Variants in AOX1 observed in about 807,000 individuals in gnomAD.
AOX1 encodes the protein aldehyde oxidase 1, also known as aldehyde oxidase.
In AOX1, 153 loss-of-function variants were observed where a neutral mutation model predicts 169.5. That is an observed-to-expected ratio of 0.90 (90% CI 0.79 to 1.03). The LOEUF is 1.03. Among genes scored for constraint, AOX1 ranks in the 50% least tolerant of loss-of-function variants. AOX1 has a pLI of 0.00. For missense variants in AOX1, 1,656 were observed against 1,663.9 expected, an observed-to-expected ratio of 1.00 and a Z score of 0.08; for synonymous variants, 562 against 581.9, an observed-to-expected ratio of 0.97 and a Z score of 0.49.
chr2:200,621,240 A>C lies in AOX1; in HGVS notation c.1995A>C (p.Thr665=). 6.2e-7 allele frequency: 1 copy of C among 1,613,814 alleles called. No homozygotes were observed. Among genetic ancestry groups the C allele is most frequent in the Middle Eastern group, 1.7e-4 (1 of 6,032 alleles). ...FFTEAEKFLA[T]DKVFCVGQLV... ...CTGAAGCTGAGAAATTTCTGGCGAC[A>C]GATAAGGTACTGCATTTTTGCTTTC... Residue 665 remains threonine, a synonymous_variant, in exon 18 of 35, where the codon ACA becomes ACC. Transcript: ENST00000374700.
intron 25 of AOX1, among the ~76,000 whole-genome samples, chr2:200,647,169 T>C (rs896276027): frequency 2.6e-5 from 4 of 152,234 alleles, no homozygotes; most frequent in Admixed American, 6.5e-5. Flanking sequence ...CATGTATTTA[T>C]GTTTTATAGG....
At chr2:200,631,862 T>C (rs2035132687) in intron 20 of AOX1, among the ~76,000 whole-genome samples, 2 of 152,128 alleles carry the variant, frequency 1.3e-5, no homozygotes, top group Admixed American at 1.3e-4. Flanking sequence ...ATGACATGGG[T>C]CTTTAGACTA....
intron 2 of AOX1, among the ~76,000 whole-genome samples, chr2:200,594,379 G>C (rs2034235912): frequency 6.6e-6 from 1 of 152,168 alleles, no homozygotes; most frequent in South Asian, 2.1e-4. Context: ...CCTCTGTGTT[G>C]AAGGGAGGTC....
chr2:200,615,642 ATCTT>A (rs2034739924), intron 15 of AOX1, among the ~76,000 whole-genome samples: 3 of 152,264 alleles, frequency 2.0e-5, no homozygotes, highest in Admixed American at 6.5e-5. Flanking sequence ...CTTAGCTTCT[ATCTT>A]CTTGTTGGAT....
chr2:200,597,554 A>C (rs369214731), intron 4 of AOX1, 49 bp downstream of exon 4: 1 of 1,403,696 alleles, frequency 7.1e-7, no homozygotes. Flanking sequence ...TAGAAACCTC[A>C]TGACATTGAG....
intron 18 of AOX1, among the ~76,000 whole-genome samples, chr2:200,621,994 T>C (rs1182835513): frequency 6.6e-6 from 1 of 152,184 alleles, no homozygotes; most frequent in Admixed American, 6.5e-5. Context: ...TCAGGTGATC[T>C]GCCCGCCTGG....
intron 8 of AOX1, 121 bp from the exon 9 acceptor site, chr2:200,604,575 G>A: frequency 9.2e-7 from 1 of 1,091,286 alleles, no homozygotes; most frequent in Non-Finnish European, 1.3e-6. Flanking sequence ...AGGTCACTTT[G>A]TACTTTATTT....
At chr2:200,612,852 G>C in intron 14 of AOX1, 59 bp downstream of exon 14, 4 of 1,417,278 alleles carry the variant, frequency 2.8e-6, no homozygotes, top group Non-Finnish European at 3.8e-6. Context: ...AAGTATTAGA[G>C]GAGCCCTTTT....
chr2:200,657,209 T>G (rs2035714781), intron 27 of AOX1, among the ~76,000 whole-genome samples: 1 of 132,770 alleles, frequency 7.5e-6, no homozygotes, highest in Non-Finnish European at 1.6e-5. Context: ...TTTTTTTAAT[T>G]AGCAGGGCAT....
rs528302569 is a variant in AOX1, at chr2:200,630,035, G to A, written c.2221+2586G>A. Among the ~76,000 whole-genome samples, 5 of 152,032 alleles carry A rather than the reference G, an allele frequency of 3.3e-5. No homozygotes were observed. The East Asian group carries it at 5.8e-4, about 18-fold the overall frequency. On this transcript the variant is annotated intron_variant, in intron 20 of 34. Coordinates refer to ENST00000374700, the MANE Select transcript of AOX1 (RefSeq NM_001159.4). ...CAAGGCAGGACATTTGAGGCCAGGA[G>A]TTTGACACCAACCTGGTCAACGTAG...
chr2:200,592,092 A>G (rs578152968), intron 1 of AOX1, among the ~76,000 whole-genome samples: 1 of 152,348 alleles, frequency 6.6e-6, no homozygotes, highest in African/African-American at 2.4e-5. Flanking sequence ...AATAAAATAA[A>G]GAGTTCCATT....
At chr2:200,641,287 G>T in intron 24 of AOX1, 103 bp downstream of exon 24, 2 of 799,352 alleles carry the variant, frequency 2.5e-6, no homozygotes, top group Non-Finnish European at 4.1e-6. Flanking sequence ...GATTATAAAG[G>T]TATAATGACC....
At position 200,599,699 on chromosome 2, in the gene AOX1, G is replaced by A. The variant is rs1183207632; in HGVS notation, c.389G>A (p.Arg130Lys). ...GMVMSIYTLLRNHPEPTLDQL... is the reference protein window; with the variant it reads ...GMVMSIYTLLKNHPEPTLDQL... ...GTGATGTCCATCTACACGCTGCTCA[G>A]GAACCACCCAGAGCCCACTCTGGAT... is the stretch of plus-strand genomic sequence containing the variant. The change falls in exon 5 of 35, where the codon AGG (arginine) becomes AAG (lysine). Residue 130 changes from arginine to lysine, a missense_variant. By Grantham distance (26) the Arg-to-Lys change is conservative. Transcript: ENST00000374700. 1.2e-6 allele frequency: 2 copies of A among 1,612,650 alleles called. No homozygotes were observed. Among genetic ancestry groups the A allele is most frequent in the African/African-American group, 2.7e-5 (2 of 74,820 alleles).
At chr2:200,628,263 G>A (rs984302749) in intron 20 of AOX1, among the ~76,000 whole-genome samples, 8 of 152,090 alleles carry the variant, frequency 5.3e-5, no homozygotes, top group South Asian at 4.1e-4. Context: ...CCCCTAAATA[G>A]TCAGCATTTG....
intron 31 of AOX1, among the ~76,000 whole-genome samples, chr2:200,663,570 A>ACTCT (rs1231363640): frequency 3.2e-5 from 4 of 123,642 alleles, no homozygotes; most frequent in Non-Finnish European, 7.0e-5. Context: ...ACACACACAC[A>ACTCT]CACTCTCTCT....
rs2035565764 is a variant in AOX1 at position 200,650,881 on chromosome 2, G to A, written c.2848-93G>A. ...AGTAGAACTTGGCTTGGACCTTACA[G>A]GATGGGCAGAATTTGACCAGGAGGA... On this transcript the variant is annotated intron_variant, in intron 25 of 34. Coordinates refer to ENST00000374700, the MANE Select transcript of AOX1 (RefSeq NM_001159.4). 2.5e-6 allele frequency: 3 copies of A among 1,188,110 alleles called. No individual in the cohort carries two copies. The African/African-American group carries it at 4.6e-5, about 18-fold the overall frequency. The allele number at this position is 1,188,110 out of a possible 1,614,324, so 73.6% of individuals were successfully genotyped here. A position where few individuals can be genotyped will look rare whatever the true frequency, so the allele number is the denominator to read the frequency against.
rs2035027165 is a variant in AOX1, at chr2:200,627,374, T to A, written c.2146T>A (p.Ser716Thr). Reference sequence around the variant, plus strand: ...CTAGGAAAGTATACAACACAACTCCTCCTTCAAGCCAGAAAGGAAACTGGA... The same window carrying A: ...CTAGGAAAGTATACAACACAACTCCACCTTCAAGCCAGAAAGGAAACTGGA... ...TIEESIQHNSSFKPERKLEYG... is the reference protein window; with the variant it reads ...TIEESIQHNSTFKPERKLEYG... Residue 716 changes from serine (S) to threonine (T), a missense_variant, in exon 20 of 35, where the codon TCC becomes ACC. Coordinates refer to ENST00000374700, the MANE Select transcript of AOX1 (RefSeq NM_001159.4). 6.2e-7 allele frequency: 1 copy of A among 1,613,688 alleles called. No homozygotes were observed. Among genetic ancestry groups the A allele is most frequent in the Non-Finnish European group, 8.5e-7 (1 of 1,179,674 alleles).
At chr2:200,593,062 C>T (rs1374456827) in intron 1 of AOX1, 84 bp from the exon 2 acceptor site, 2 of 1,043,268 alleles carry the variant, frequency 1.9e-6, no homozygotes, top group Admixed American at 3.5e-5. Flanking sequence ...AATTAACATG[C>T]ATTTCCCTCA....
At chr2:200,635,618 G>A (rs1039704572) in intron 21 of AOX1, among the ~76,000 whole-genome samples, 1 of 152,126 alleles carries the variant, frequency 6.6e-6, no homozygotes, top group African/African-American at 2.4e-5. Flanking sequence ...AAGATCAAAT[G>A]ACACCCATTC....
Sources: allele counts gnomAD v4.1 joint callset (sites outside exome capture counted in the v4.1 genomes callset), GRCh38; gene constraint gnomAD v4.1.1; transcripts MANE v1.5; gene names NCBI Gene and HGNC (gene_info 2026-07-23, HGNC 2026-07-21).